Variants in ECI1 observed in about 807,000 individuals in gnomAD.
The protein encoded by ECI1 is enoyl-CoA delta isomerase 1, mitochondrial.
A neutral mutation model predicts 34.2 loss-of-function variants in ECI1; 34 were observed. The observed-to-expected ratio is 1.00, with a 90% CI of 0.76 to 1.33. The LOEUF is 1.33. Among genes scored for constraint, ECI1 ranks in the 40% most tolerant of loss-of-function variants. The pLI is 0.00. For missense variants in ECI1, 456 were observed against 422.2 expected (o/e 1.08, Z -0.70); for synonymous variants, 211 against 193.0 (o/e 1.09, Z -0.77).
At chr16:2,248,103 A>C (rs913635106) in intron 2 of ECI1, among the ~76,000 whole-genome samples, 1 of 151,854 alleles carries the variant, frequency 6.6e-6, no homozygotes, top group Admixed American at 6.6e-5. Flanking sequence ...TTCTCTCTCT[A>C]TCATTTTTTT....
chr16:2,250,011 CAAA>C (rs1055446258), intron 2 of ECI1, among the ~76,000 whole-genome samples: 1 of 104,956 alleles, frequency 9.5e-6, no homozygotes, highest in African/African-American at 3.6e-5. Context: ...GCCTCTGTCT[CAAA>C]AAAAAAAAAA....
At chr16:2,243,544 C>A in intron 4 of ECI1, 105 bp from the exon 5 acceptor site, 1 of 1,433,056 alleles carries the variant, frequency 7.0e-7, no homozygotes, top group East Asian at 2.3e-5. Context: ...CGCACCCCGA[C>A]CCCCGCAGGG....
chr16:2,241,890 C>T (rs958802112), intron 6 of ECI1: 4 of 148,094 alleles, frequency 2.7e-5, no homozygotes, highest in Non-Finnish European at 4.4e-5. Flanking sequence ...CAGAGTCCTG[C>T]TCTCTGTTGC....
chr16:2,247,020 C>A (rs1276691707), intron 2 of ECI1, 34 bp from the exon 3 acceptor site: 1 of 1,608,608 alleles, frequency 6.2e-7, no homozygotes, highest in East Asian at 2.2e-5. Context: ...AAGCTCACAC[C>A]TGGCACTGGA....
chr16:2,244,357 C>T (rs532962324), intron 4 of ECI1, 49 bp downstream of exon 4: 177 of 1,591,620 alleles, frequency 1.1e-4, no homozygotes, highest in Non-Finnish European at 1.4e-4. Context: ...CACCCCCTGG[C>T]GCTGGCCCAG....
At chr16:2,251,287 C>A in intron 2 of ECI1, 29 bp downstream of exon 2, 1 of 1,110,754 alleles carries the variant, frequency 9.0e-7, no homozygotes, top group Non-Finnish European at 1.1e-6. Flanking sequence ...TGACCCCACG[C>A]CCGCCCTCCC....
chr16:2,242,452 T>C (rs1266161993), intron 6 of ECI1: 1 of 158,956 alleles, frequency 6.3e-6, no homozygotes, highest in Non-Finnish European at 1.4e-5. Context: ...ATCGCTGATA[T>C]GACCAGCTCT....
chr16:2,242,985 G>C, intron 6 of ECI1, 61 bp downstream of exon 6: 2 of 1,324,132 alleles, frequency 1.5e-6, no homozygotes, highest in Non-Finnish European at 2.1e-6. Flanking sequence ...GAAAACCTTT[G>C]GGTGGAGAAC....
rs771285003 is a variant in ECI1 at position 2,243,294 on chromosome 16, C to G, written c.563+24G>C. 2.5e-6 allele frequency: 4 copies of G among 1,613,366 alleles called. No homozygotes were observed. In the Admixed American group the frequency reaches 5.0e-5, roughly 20 times the overall value. On this transcript the variant is annotated intron_variant, in intron 5 of 6. Transcript: ENST00000301729. ...TGTTCCCTCCACAACAAGCATGGAG[C>G]GTGGCTGCAGCCCAGGGCCTTACCA...
In ECI1 at chr16:2,244,424, C is replaced by T; in HGVS notation, c.423G>A (p.Val141=). The T allele has an allele frequency of 6.2e-7, 1 of 1,612,518 alleles. No homozygotes were observed. Among genetic ancestry groups the T allele is most frequent in the South Asian group, 1.1e-5 (1 of 90,886 alleles). The part of the protein sequence containing the change: ...LWLRLYQSNL[V]LVSAINGACP... ...CACTCACGTTGATGGCGGAGACCAG[C>T]ACCAGGTTGGACTGGTACAACCGCA... Residue 141 remains valine, a synonymous_variant, in exon 4 of 7, where the codon GTG becomes GTA. Transcript: ENST00000301729.
intron 2 of ECI1, among the ~76,000 whole-genome samples, chr16:2,250,561 C>T (rs1053650707): frequency 2.0e-5 from 3 of 152,168 alleles, no homozygotes; most frequent in Non-Finnish European, 4.4e-5. Flanking sequence ...GGAAGCAGAA[C>T]TGCTGGCGCC....
intron 2 of ECI1, among the ~76,000 whole-genome samples, chr16:2,249,583 C>T (rs1424510362): frequency 6.6e-6 from 1 of 151,556 alleles, no homozygotes; most frequent in Admixed American, 6.6e-5. Flanking sequence ...TATAAAAAGA[C>T]AACGTAAGCC....
chr16:2,244,270 A>C (rs1469649092), intron 4 of ECI1, 136 bp downstream of exon 4: 4 of 1,072,002 alleles, frequency 3.7e-6, no homozygotes, highest in East Asian at 2.6e-5. Context: ...GATGGCGCTC[A>C]CCTGTGCACA....
At chr16:2,249,523 G>A (rs138414913) in intron 2 of ECI1, among the ~76,000 whole-genome samples, 339 of 152,046 alleles carry the variant, frequency 2.2e-3, no homozygotes, top group Non-Finnish European at 3.0e-3. Flanking sequence ...AAAAGGAAAA[G>A]TGTTCGTACA....
chr16:2,244,341 C>G, intron 4 of ECI1, 65 bp downstream of exon 4: 1 of 1,555,800 alleles, frequency 6.4e-7, no homozygotes. Context: ...AGGACAGTGT[C>G]TGTCCCACCC....
At chr16:2,244,728 T>TCCTGGACCTGGCTTCC (rs2093536349) in intron 3 of ECI1, among the ~76,000 whole-genome samples, 176 bp from the exon 4 acceptor site, 1 of 152,196 alleles carries the variant, frequency 6.6e-6, no homozygotes. Context: ...CCAAGGCTTC[T>TCCTGGACCTGGCTTCC]CCTGGACCTG....
intron 3 of ECI1, among the ~76,000 whole-genome samples, chr16:2,245,346 T>C (rs937203756): frequency 6.6e-6 from 1 of 152,226 alleles, no homozygotes; most frequent in Non-Finnish European, 1.5e-5. Flanking sequence ...GGTGGATGTT[T>C]ACCCCGCCCT....
intron 6 of ECI1, chr16:2,241,628 A>C (rs1254089075): frequency 1.3e-5 from 2 of 152,138 alleles, no homozygotes; most frequent in East Asian, 3.9e-4. Context: ...TTGAAAATCA[A>C]AAGAAGGTTA....
rs547691847 is a variant in ECI1 at position 2,245,160 on chromosome 16, G to A, written c.295-608C>T. 3.3e-4 allele frequency among the ~76,000 whole-genome samples: 51 copies of A among 152,296 alleles called. 1 individual carries two copies. The South Asian group carries it at 4.1e-3, about 12-fold the overall frequency. On this transcript the variant is annotated intron_variant, in intron 3 of 6. Coordinates refer to ENST00000301729, the MANE Select transcript of ECI1 (RefSeq NM_001919.4). ...AGGGAGGCGGGCTCGGGGAGGAGTGGAGAACCCACCCTGGGGACCCTGCAT... is the reference window on the plus strand; with the variant it reads ...AGGGAGGCGGGCTCGGGGAGGAGTGAAGAACCCACCCTGGGGACCCTGCAT...
Sources: gnomAD v4.1 joint callset for allele counts (sites outside exome capture counted in the v4.1 genomes callset) on GRCh38, gnomAD v4.1.1 for gene constraint, MANE v1.5 for transcripts, NCBI Gene and HGNC (gene_info 2026-07-23, HGNC 2026-07-21) for gene names.